Variants in OTOGL observed in about 807,000 individuals in gnomAD.
OTOGL encodes otogelin-like protein.
In OTOGL, 285 loss-of-function variants were observed where a neutral mutation model predicts 318.5. That is an observed-to-expected ratio of 0.89 (90% CI 0.81 to 0.99). OTOGL has a LOEUF of 0.99. Ranked by LOEUF, OTOGL falls within the 50% of genes least tolerant of loss-of-function variation. OTOGL has a pLI of 0.00. For synonymous variants in OTOGL, 987 were observed against 936.5 expected, an observed-to-expected ratio of 1.05 and a Z score of -0.99; for missense variants, 2,899 against 2,845.6, an observed-to-expected ratio of 1.02 and a Z score of -0.43.
intron 1 of OTOGL, among the ~76,000 whole-genome samples, chr12:80,107,739 T>A (rs528018654): frequency 6.6e-6 from 1 of 151,972 alleles, no homozygotes; most frequent in Non-Finnish European, 1.5e-5. Flanking sequence ...GAAAATATGA[T>A]ACATATACAC....
chr12:80,278,795 C>A (rs975104069), intron 25 of OTOGL, among the ~76,000 whole-genome samples: 1 of 151,470 alleles, frequency 6.6e-6, no homozygotes, highest in Non-Finnish European at 1.5e-5. Flanking sequence ...TCTGTGTGAC[C>A]TATGCACAAT....
At chr12:80,148,625 C>G (rs534409251) in intron 1 of OTOGL, among the ~76,000 whole-genome samples, 1 of 152,116 alleles carries the variant, frequency 6.6e-6, no homozygotes, top group African/African-American at 2.4e-5. Context: ...GGGAAATTCT[C>G]CTGCATAATA....
rs777649814 is a variant in OTOGL, at chr12:80,368,188, A to T, written c.6511-17A>T. On this transcript the variant is annotated splice_polypyrimidine_tract_variant and intron_variant, in intron 54 of 58. Transcript: ENST00000547103. The stretch of plus-strand genomic sequence containing the variant: ...AATATTGATATGGTGTCGCTAATCT[A>T]ATATCATTATATGCAGCACCAGGTA... 1.3e-6 allele frequency: 2 copies of T among 1,521,644 alleles called. No individual in the cohort carries two copies. Among genetic ancestry groups the T allele is most frequent in the Non-Finnish European group, 1.8e-6 (2 of 1,108,416 alleles). The allele number at this position is 1,521,644 out of a possible 1,614,324, so 94.3% of individuals were successfully genotyped here. A position where few individuals can be genotyped will look rare whatever the true frequency, so the allele number is the denominator to read the frequency against.
At chr12:80,144,677 G>A (rs1872211500) in intron 1 of OTOGL, among the ~76,000 whole-genome samples, 1 of 151,880 alleles carries the variant, frequency 6.6e-6, no homozygotes, top group African/African-American at 2.4e-5. Context: ...CACCAACAGT[G>A]TAAAAGTGTT....
chr12:80,339,294 G>GTT, intron 43 of OTOGL, 30 bp downstream of exon 43: 1 of 578,546 alleles, frequency 1.7e-6, no homozygotes, highest in Non-Finnish European at 2.5e-6. Context: ...TCTTGATTTC[G>GTT]TCTGTTTTTT....
intron 8 of OTOGL, among the ~76,000 whole-genome samples, chr12:80,232,093 A>C (rs1029904788): frequency 6.6e-6 from 1 of 152,192 alleles, no homozygotes; most frequent in African/African-American, 2.4e-5. Flanking sequence ...CTCTTCAGTT[A>C]CCTTATGTCA....
intron 1 of OTOGL, among the ~76,000 whole-genome samples, chr12:80,166,044 A>G (rs1873808255): frequency 6.6e-6 from 1 of 152,166 alleles, no homozygotes; most frequent in South Asian, 2.1e-4. Flanking sequence ...TGGATTAGTG[A>G]TACCCAATTT....
chr12:80,127,257 C>T lies in OTOGL; in HGVS notation c.-20+27652C>T, dbSNP rs1870911202. ...GCCTGGTGGTGACAAAATCTCTCAACATTTGCTTGTCTGTAAAGTATTTTA... is the reference window on the plus strand; with the variant it reads ...GCCTGGTGGTGACAAAATCTCTCAATATTTGCTTGTCTGTAAAGTATTTTA... On this transcript the variant is annotated intron_variant, in intron 1 of 58. Transcript: ENST00000547103. Among the ~76,000 whole-genome samples, 6 of 152,284 alleles carry T rather than the reference C, an allele frequency of 3.9e-5. No homozygotes were observed. In the South Asian group the frequency reaches 1.0e-3, roughly 26 times the overall value.
intron 11 of OTOGL, among the ~76,000 whole-genome samples, chr12:80,242,191 T>C (rs73358919): frequency 0.028 from 4,249 of 152,270 alleles, 225 homozygotes; most frequent in African/African-American, 0.096. Flanking sequence ...AATTTCATCA[T>C]TGAGAAATTA....
intron 1 of OTOGL, among the ~76,000 whole-genome samples, chr12:80,202,813 CT>C (rs1876552804): frequency 6.6e-6 from 1 of 152,168 alleles, no homozygotes; most frequent in Non-Finnish European, 1.5e-5. Context: ...CACCGCTTGT[CT>C]TTGCTTCCTT....
chr12:80,103,223 C>T, intron 1 of OTOGL: 2 of 1,455,364 alleles, frequency 1.4e-6, no homozygotes, highest in Non-Finnish European at 1.9e-6. Context: ...TCTGTCTCAG[C>T]TCTTTGGAAA....
At chr12:80,254,932 A>T in intron 15 of OTOGL, 108 bp from the exon 16 acceptor site, 1 of 942,944 alleles carries the variant, frequency 1.1e-6, no homozygotes, top group Non-Finnish European at 1.4e-6. Context: ...TATTTACCCT[A>T]AGTTGATCTG....
chr12:80,213,124 A>G (rs1877400543), intron 4 of OTOGL, among the ~76,000 whole-genome samples: 1 of 152,242 alleles, frequency 6.6e-6, no homozygotes, highest in African/African-American at 2.4e-5. Context: ...TTCTGACCAT[A>G]TGCTAAACAA....
chr12:80,342,733 T>G (rs1198618936), intron 44 of OTOGL, among the ~76,000 whole-genome samples: 1 of 152,190 alleles, frequency 6.6e-6, no homozygotes, highest in Non-Finnish European at 1.5e-5. Context: ...CTGTGTTAGA[T>G]TCCTGTGATA....
At position 80,380,442 on chromosome 12, in the gene OTOGL, A is replaced by G. The variant is rs957234474; in HGVS notation, c.*2394A>G. ...AAAAGGAAAAAATTAACAACCTGATAGAAAAATGAGCCAAAGATATAAACT... is the reference window on the plus strand; with the variant it reads ...AAAAGGAAAAAATTAACAACCTGATGGAAAAATGAGCCAAAGATATAAACT... On this transcript the variant is annotated 3_prime_UTR_variant, in exon 59 of 59. Transcript: ENST00000547103. 1 of 152,076 alleles carries G rather than the reference A, an allele frequency of 6.6e-6. No individual in the cohort carries two copies. Among genetic ancestry groups the G allele is most frequent in the Admixed American group, 6.6e-5 (1 of 15,244 alleles). 9.4% of individuals were successfully genotyped at this position (152,076 alleles called of 1,614,324 possible).
At chr12:80,217,753 T>C (rs1340921869) in intron 5 of OTOGL, 89 bp downstream of exon 5, 5 of 974,522 alleles carry the variant, frequency 5.1e-6, no homozygotes, top group Non-Finnish European at 6.0e-6. Flanking sequence ...TGTTTCCGTA[T>C]ACCACATGAA....
At chr12:80,210,077 A>AT (rs987822866) in intron 2 of OTOGL, among the ~76,000 whole-genome samples, 12 of 151,748 alleles carry the variant, frequency 7.9e-5, no homozygotes, top group East Asian at 3.9e-4. Flanking sequence ...TTGCTATTTG[A>AT]TTTTTTTTAT....
At chr12:80,358,803 C>G in intron 51 of OTOGL, 28 bp downstream of exon 51, 1 of 1,570,992 alleles carries the variant, frequency 6.4e-7, no homozygotes, top group Non-Finnish European at 8.7e-7. Context: ...TTTAAGGTTT[C>G]ATTATAATAA....
intron 1 of OTOGL, among the ~76,000 whole-genome samples, chr12:80,121,389 T>C (rs1458137196): frequency 1.3e-5 from 2 of 152,180 alleles, no homozygotes; most frequent in Admixed American, 6.6e-5. Flanking sequence ...TCAGATATTT[T>C]GGAGAAAAAA....
Sources: allele counts gnomAD v4.1 joint callset (sites outside exome capture counted in the v4.1 genomes callset), GRCh38; gene constraint gnomAD v4.1.1; transcripts MANE v1.5; gene names NCBI Gene and HGNC (gene_info 2026-07-23, HGNC 2026-07-21).